Variants in FOXO3 observed in about 807,000 individuals in gnomAD.
FOXO3 encodes forkhead box protein O3.
In FOXO3, 4 loss-of-function variants were observed where a neutral mutation model predicts 41.9. The observed-to-expected ratio is 0.10, with a 90% CI of 0.05 to 0.22. The LOEUF (loss-of-function observed/expected upper bound fraction) is 0.22, where lower values mean the gene tolerates loss of function less well. FOXO3 is among the 10% of genes least tolerant of loss of function. The pLI is 1.00. For missense variants in FOXO3, 534 were observed against 906.8 expected, an observed-to-expected ratio of 0.59 and a Z score of 5.28; for synonymous variants, 318 against 389.3, an observed-to-expected ratio of 0.82 and a Z score of 2.16.
chr6:108,611,079 T>C (rs1214834478), intron 1 of FOXO3, among the ~76,000 whole-genome samples: 1 of 148,294 alleles, frequency 6.7e-6, no homozygotes, highest in Non-Finnish European at 1.5e-5. Context: ...TTTCTAGAAT[T>C]TCGTATAAAT....
chr6:108,635,294 CAAA>C (rs1008292512), intron 1 of FOXO3, among the ~76,000 whole-genome samples: 10 of 151,602 alleles, frequency 6.6e-5, no homozygotes, highest in South Asian at 2.1e-4. Context: ...GACTCCATCT[CAAA>C]AAAAAATAAT....
chr6:108,606,181 A>C (rs1290441246), intron 1 of FOXO3, among the ~76,000 whole-genome samples: 3 of 152,242 alleles, frequency 2.0e-5, no homozygotes, highest in Non-Finnish European at 4.4e-5. Flanking sequence ...TGGGAGACTC[A>C]TCAGAACCTC....
upstream of FOXO3, chr6:108,560,736 C>T (rs367963091): frequency 7.8e-5 from 18 of 230,416 alleles, 1 homozygote; most frequent in East Asian, 1.4e-3. Context: ...CTCGGCTGCG[C>T]CAGCTCCGGC....
intron 2 of FOXO3, among the ~76,000 whole-genome samples, chr6:108,675,812 C>G (rs534089559): frequency 1.3e-5 from 2 of 152,208 alleles, no homozygotes; most frequent in South Asian, 4.1e-4. Flanking sequence ...TATTAGGGTC[C>G]TGTTCTGTTC....
intron 1 of FOXO3, among the ~76,000 whole-genome samples, chr6:108,570,456 G>A (rs1277346726): frequency 1.3e-5 from 2 of 152,146 alleles, no homozygotes; most frequent in Admixed American, 6.5e-5. Context: ...TGCCCTAGTA[G>A]CTGGGACTAC....
intron 2 of FOXO3, among the ~76,000 whole-genome samples, chr6:108,672,635 T>A (rs986086287): frequency 6.6e-6 from 1 of 152,218 alleles, no homozygotes; most frequent in Admixed American, 6.5e-5. Context: ...AGAGGGTAAT[T>A]CCAGTGTTTC....
At chr6:108,638,665 TG>T (rs1214952882) in intron 1 of FOXO3, among the ~76,000 whole-genome samples, 4 of 152,170 alleles carry the variant, frequency 2.6e-5, no homozygotes, top group African/African-American at 9.7e-5. Flanking sequence ...TCAAGGCACC[TG>T]GAGGACAACA....
rs920261553 is a variant in FOXO3, at chr6:108,683,315, A to G, written c.*3523A>G. The G allele has an allele frequency of 6.6e-6, 1 of 152,158 alleles. No individual in the cohort carries two copies. Among genetic ancestry groups the G allele is most frequent in the African/African-American group, 2.4e-5 (1 of 41,412 alleles). 9.4% of individuals were successfully genotyped at this position (152,158 alleles called of 1,614,324 possible). The stretch of plus-strand genomic sequence containing the variant: ...AGGGTGTGATTTCAGGTGGCTTCCA[A>G]ACTTGTACGCAGTTTAAAGATGGTG... On this transcript the variant is annotated 3_prime_UTR_variant, in exon 3 of 3. Coordinates refer to ENST00000406360, the MANE Select transcript of FOXO3 (RefSeq NM_001455.4).
chr6:108,650,753 C>A (rs779404322), intron 1 of FOXO3, among the ~76,000 whole-genome samples: 1 of 152,150 alleles, frequency 6.6e-6, no homozygotes, highest in Non-Finnish European at 1.5e-5. Context: ...CTGAGTGGCT[C>A]AGTGAATGTT....
chr6:108,628,347 T>A (rs1777870985), intron 1 of FOXO3, among the ~76,000 whole-genome samples: 1 of 152,228 alleles, frequency 6.6e-6, no homozygotes, highest in Non-Finnish European at 1.5e-5. Flanking sequence ...CTCCATGTAC[T>A]CTTCTCTCCT....
intron 1 of FOXO3, among the ~76,000 whole-genome samples, chr6:108,580,311 C>A (rs1445513640): frequency 6.7e-6 from 1 of 149,942 alleles, no homozygotes; most frequent in East Asian, 2.0e-4. Flanking sequence ...GCCTCAGGCT[C>A]CCAAGTAGCT....
chr6:108,577,643 T>C (rs979285733), intron 1 of FOXO3, among the ~76,000 whole-genome samples: 2 of 152,200 alleles, frequency 1.3e-5, no homozygotes, highest in Non-Finnish European at 2.9e-5. Context: ...CTATGTTTTT[T>C]AAGCTTCCCA....
At chr6:108,670,430 A>C (rs948475253) in intron 2 of FOXO3, among the ~76,000 whole-genome samples, 1 of 151,504 alleles carries the variant, frequency 6.6e-6, no homozygotes, top group Non-Finnish European at 1.5e-5. Context: ...TGTTTCTCAA[A>C]ATGTTTCTCG....
intron 1 of FOXO3, among the ~76,000 whole-genome samples, chr6:108,612,760 T>C (rs537707546): frequency 6.6e-6 from 1 of 152,306 alleles, no homozygotes; most frequent in African/African-American, 2.4e-5. Context: ...TCTTGCCTTA[T>C]TTCACTGGCC....
At chr6:108,638,792 T>C (rs1374823287) in intron 1 of FOXO3, among the ~76,000 whole-genome samples, 1 of 152,220 alleles carries the variant, frequency 6.6e-6, no homozygotes, top group Non-Finnish European at 1.5e-5. Context: ...CAACAAGGTA[T>C]AGAGCTGTTT....
chr6:108,658,547 G>GT (rs1316273140), intron 1 of FOXO3, among the ~76,000 whole-genome samples: 2 of 152,064 alleles, frequency 1.3e-5, no homozygotes, highest in Non-Finnish European at 2.9e-5. Context: ...GAGGGTTGTG[G>GT]TTTTTTGTGT....
At chr6:108,632,912 CAT>C (rs996830133) in intron 1 of FOXO3, among the ~76,000 whole-genome samples, 1 of 152,048 alleles carries the variant, frequency 6.6e-6, no homozygotes, top group African/African-American at 2.4e-5. Context: ...CTTGCAAAAT[CAT>C]ATGTTAGTAT....
At chr6:108,607,397 C>T (rs556428459) in intron 1 of FOXO3, among the ~76,000 whole-genome samples, 95 of 149,308 alleles carry the variant, frequency 6.4e-4, no homozygotes, top group African/African-American at 2.3e-3. Context: ...TTGCAGTGAG[C>T]TGAGATCCTG....
intron 1 of FOXO3, among the ~76,000 whole-genome samples, chr6:108,617,053 A>G (rs1173924193): frequency 6.6e-6 from 1 of 152,122 alleles, no homozygotes; most frequent in African/African-American, 2.4e-5. Context: ...AATTGTTTCC[A>G]GTTTTTAGCT....
Sources: allele counts gnomAD v4.1 joint callset (sites outside exome capture counted in the v4.1 genomes callset), GRCh38; gene constraint gnomAD v4.1.1; transcripts MANE v1.5; gene names NCBI Gene and HGNC (gene_info 2026-07-23, HGNC 2026-07-21).